Variants in LHFPL2 observed in about 807,000 individuals in gnomAD.
LHFPL2 encodes the protein LHFPL tetraspan subfamily member 2 protein.
LHFPL2 carries 7 observed loss-of-function variants against 17.5 expected under a neutral mutation model. The observed-to-expected ratio is 0.40, with a 90% CI of 0.23 to 0.75. The LOEUF is 0.75. LHFPL2 is among the 30% of genes least tolerant of loss of function. LHFPL2 has a pLI of 0.37. For synonymous variants in LHFPL2, 134 were observed against 116.2 expected (o/e 1.15, Z -0.99); for missense variants, 241 against 294.8 (o/e 0.82, Z 1.34).
intron 3 of LHFPL2, among the ~76,000 whole-genome samples, chr5:78,521,253 T>C (rs1365155236): frequency 1.3e-5 from 2 of 152,220 alleles, no homozygotes; most frequent in African/African-American, 4.8e-5. Flanking sequence ...CATTCCTCAG[T>C]AAATTATTAA....
chr5:78,644,373 G>C, intron 1 of LHFPL2: 2 of 1,013,478 alleles, frequency 2.0e-6, no homozygotes, highest in Non-Finnish European at 3.0e-6. Context: ...AGCTCACTAT[G>C]CAGCAATATC....
intron 1 of LHFPL2, among the ~76,000 whole-genome samples, chr5:78,647,427 C>T (rs1253687415): frequency 6.6e-6 from 1 of 152,158 alleles, no homozygotes; most frequent in Non-Finnish European, 1.5e-5. Flanking sequence ...AGCTCAGTTA[C>T]TCCGGTTTAC....
In LHFPL2 at chr5:78,595,979, C is replaced by G. The variant is rs1743810063; in HGVS notation, c.-244-31108G>C. The stretch of plus-strand genomic sequence containing the variant: ...AATGAACAATAATGGTATTAAGTAG[C>G]ATTACAAATATTATTTGTGGATTTA... On this transcript the variant is annotated intron_variant, in intron 2 of 4. Coordinates refer to ENST00000380345, the MANE Select transcript of LHFPL2 (RefSeq NM_005779.3). Among the ~76,000 whole-genome samples the G allele has an allele frequency of 2.0e-5, 3 of 152,114 alleles. No homozygotes were observed. In the South Asian group the frequency reaches 6.2e-4, roughly 32 times the overall value.
chr5:78,558,570 G>A (rs1176569466), intron 3 of LHFPL2, among the ~76,000 whole-genome samples: 3 of 152,074 alleles, frequency 2.0e-5, no homozygotes, highest in Non-Finnish European at 4.4e-5. Context: ...TCAAACTCCT[G>A]GGCTCAAGCA....
At chr5:78,547,872 G>A (rs1310666805) in intron 3 of LHFPL2, among the ~76,000 whole-genome samples, 2 of 152,264 alleles carry the variant, frequency 1.3e-5, no homozygotes, top group Non-Finnish European at 2.9e-5. Context: ...AGACTGGCCA[G>A]GAGGGTTGGG....
At chr5:78,545,040 G>T (rs1462974582) in intron 3 of LHFPL2, among the ~76,000 whole-genome samples, 1 of 152,108 alleles carries the variant, frequency 6.6e-6, no homozygotes, top group East Asian at 1.9e-4. Context: ...ACAATGAATG[G>T]AAACACTCCC....
At chr5:78,592,631 CACACACACATTACTCTTCAACTTA>C (rs1743671808) in intron 2 of LHFPL2, among the ~76,000 whole-genome samples, 1 of 73,868 alleles carries the variant, frequency 1.4e-5, no homozygotes, top group African/African-American at 4.1e-5. Context: ...TACACACACA[CACACACACATTACTCTTCAACTTA>C]GTGAAAAATT....
At chr5:78,518,299 T>G (rs1025993257) in intron 3 of LHFPL2, among the ~76,000 whole-genome samples, 2 of 152,240 alleles carry the variant, frequency 1.3e-5, no homozygotes, top group African/African-American at 4.8e-5. Context: ...CTGGGTACAG[T>G]GGCTCACACC....
chr5:78,521,231 C>G (rs1580770686), intron 3 of LHFPL2, among the ~76,000 whole-genome samples: 2 of 152,290 alleles, frequency 1.3e-5, no homozygotes, highest in East Asian at 3.9e-4. Flanking sequence ...TTAACGTGTG[C>G]TATTTATCCT....
In LHFPL2 at chr5:78,485,928, G is replaced by T. The variant is rs1047453258; in HGVS notation, c.*2969C>A. On this transcript the variant is annotated 3_prime_UTR_variant, in exon 5 of 5. Transcript: ENST00000380345. ...TGTAGCATTAAAATTATGGGTTACT[G>T]AATAAGCCATGAAGGCAAAAATGTG... 1 of 147,100 alleles carries T rather than the reference G, an allele frequency of 6.8e-6. No homozygotes were observed. The highest frequency in any genetic ancestry group is 2.6e-5 in the African/African-American group (1 of 39,210). The allele number at this position is 147,100 out of a possible 1,614,324, so 9.1% of individuals were successfully genotyped here. A position where few individuals can be genotyped will look rare whatever the true frequency, so the allele number is the denominator to read the frequency against.
chr5:78,518,170 A>C (rs996020490), intron 3 of LHFPL2, among the ~76,000 whole-genome samples: 4 of 152,216 alleles, frequency 2.6e-5, no homozygotes, highest in African/African-American at 9.7e-5. Context: ...ATTTTAAATG[A>C]AAGGTGTTTC....
chr5:78,537,290 C>T (rs1171070713), intron 3 of LHFPL2, among the ~76,000 whole-genome samples: 1 of 152,152 alleles, frequency 6.6e-6, no homozygotes, highest in African/African-American at 2.4e-5. Context: ...TGCACCCTGG[C>T]CCCATCAGCT....
chr5:78,643,141 C>G (rs1222872169), intron 1 of LHFPL2, among the ~76,000 whole-genome samples: 1 of 152,164 alleles, frequency 6.6e-6, no homozygotes, highest in Non-Finnish European at 1.5e-5. Flanking sequence ...CAGGTACTTC[C>G]CAGCACAACC....
chr5:78,540,733 A>T (rs938628216), intron 3 of LHFPL2, among the ~76,000 whole-genome samples: 5 of 152,244 alleles, frequency 3.3e-5, no homozygotes, highest in African/African-American at 1.2e-4. Context: ...CATTAACCAC[A>T]GCCCTGGACA....
chr5:78,624,004 C>G (rs1003638660), intron 2 of LHFPL2, among the ~76,000 whole-genome samples: 2 of 152,190 alleles, frequency 1.3e-5, no homozygotes, highest in African/African-American at 4.8e-5. Flanking sequence ...AACAAAGTAA[C>G]GATTAATGCC....
At chr5:78,634,292 C>G (rs1448801717) in intron 1 of LHFPL2, among the ~76,000 whole-genome samples, 1 of 152,190 alleles carries the variant, frequency 6.6e-6, no homozygotes, top group Non-Finnish European at 1.5e-5. Context: ...CCAGGGCCTG[C>G]CCCCAACACC....
intron 3 of LHFPL2, among the ~76,000 whole-genome samples, chr5:78,550,328 T>C (rs972982613): frequency 3.3e-5 from 5 of 152,086 alleles, no homozygotes; most frequent in Admixed American, 6.5e-5. Context: ...ATGATCCCAA[T>C]AGTGGGTGAA....
At chr5:78,578,928 C>G (rs191269311) in intron 2 of LHFPL2, among the ~76,000 whole-genome samples, 1 of 152,172 alleles carries the variant, frequency 6.6e-6, no homozygotes, top group Non-Finnish European at 1.5e-5. Flanking sequence ...AGACGCCAAC[C>G]AAGTCTTGCT....
intron 1 of LHFPL2, among the ~76,000 whole-genome samples, 160 bp from the exon 2 acceptor site, chr5:78,632,528 A>T (rs936452372): frequency 6.6e-6 from 1 of 152,256 alleles, no homozygotes; most frequent in African/African-American, 2.4e-5. Context: ...AAACAGACCT[A>T]GGTGACAATG....
Sources: gnomAD v4.1 joint callset for allele counts (sites outside exome capture counted in the v4.1 genomes callset) on GRCh38, gnomAD v4.1.1 for gene constraint, MANE v1.5 for transcripts, NCBI Gene and HGNC (gene_info 2026-07-23, HGNC 2026-07-21) for gene names.